Variants in HERC1 observed in about 807,000 individuals in gnomAD.
HERC1 encodes the protein HECT and RLD domain containing E3 ubiquitin protein ligase family member 1.
HERC1 carries 160 observed loss-of-function variants against 554.3 expected under a neutral mutation model. The ratio of observed to expected loss-of-function variants is 0.29; its 90% CI spans 0.25 to 0.33. HERC1 has a LOEUF of 0.33. Among genes scored for constraint, HERC1 ranks in the 10% least tolerant of loss-of-function variants. The pLI is 1.00. For synonymous variants in HERC1, 2,175 were observed against 2,131.7 expected (o/e 1.02, Z -0.56); for missense variants, 4,919 against 5,918.5 (o/e 0.83, Z 5.54).
Position 63,749,737 on chromosome 15 carries a change from C to T in HERC1, c.1957G>A (p.Ala653Thr), listed in dbSNP as rs2141793236. 6.3e-7 allele frequency: 1 copy of T among 1,582,104 alleles called. No individual in the cohort carries two copies. Among genetic ancestry groups the T allele is most frequent in the Non-Finnish European group, 8.6e-7 (1 of 1,163,284 alleles). Reference sequence around the variant, plus strand: ...TCTTCAATAAGCTTGGGTCTCAAAGCAGTAGCTTCTGAAGAACCACAACCT... The same window carrying T: ...TCTTCAATAAGCTTGGGTCTCAAAGTAGTAGCTTCTGAAGAACCACAACCT... ...CLGCGSSEAT[A>T]LRPKLIEELA... is the part of the protein sequence containing the mutation. The change falls in exon 9 of 78, where the codon GCT becomes ACT. Residue 653 changes from alanine to threonine, a missense_variant. By Grantham distance (58) the Ala-to-Thr change is moderately conservative. This residue lies in a region of HERC1 where 744 missense variants were observed against 1,090.0 expected (regional missense o/e 0.68). Transcript: ENST00000443617. This position sits in a 1 kb window ranked among gnomAD's most constrained non-coding sequence, Gnocchi z 4.1.
intron 1 of HERC1, among the ~76,000 whole-genome samples, chr15:63,830,161 C>T (rs909736368): frequency 6.6e-6 from 1 of 152,072 alleles, no homozygotes; most frequent in Non-Finnish European, 1.5e-5. Context: ...GTGTCTCCCC[C>T]AAGATATGTA....
chr15:63,749,600 C>A lies in HERC1; in HGVS notation c.2047+47G>T, dbSNP rs1421222385. 1 of 1,580,072 alleles carries A rather than the reference C, an allele frequency of 6.3e-7. No homozygotes were observed. The highest frequency in any genetic ancestry group is 1.4e-5 in the African/African-American group (1 of 72,748). On this transcript the variant is annotated intron_variant, in intron 9 of 77. Transcript: ENST00000443617. The surrounding 1 kb of genome is among the most constrained non-coding windows in gnomAD (Gnocchi z 4.1). The stretch of plus-strand genomic sequence containing the variant: ...GCCAAATTCAAATGTAATATATTTA[C>A]ACAAGACAACAGTTAATACTATTTC...
intron 74 of HERC1, among the ~76,000 whole-genome samples, chr15:63,617,794 G>C (rs974576868): frequency 2.6e-5 from 4 of 152,170 alleles, no homozygotes; most frequent in African/African-American, 9.7e-5. Context: ...TCTTTTGGCT[G>C]CATAAATGTC....
At chr15:63,772,474 CAT>C (rs2142942391) in intron 2 of HERC1, among the ~76,000 whole-genome samples, 1 of 151,310 alleles carries the variant, frequency 6.6e-6, no homozygotes, top group African/African-American at 2.4e-5. Context: ...GAAATATTAA[CAT>C]GTGACCATAA....
chr15:63,792,206 T>C (rs2076673892), intron 1 of HERC1, among the ~76,000 whole-genome samples: 1 of 152,160 alleles, frequency 6.6e-6, no homozygotes, highest in Non-Finnish European at 1.5e-5. Flanking sequence ...AAAGTTCTAA[T>C]ACCCAAGAAA....
Position 63,666,039 on chromosome 15 carries a change from G to A in HERC1, c.8435C>T (p.Ser2812Phe). The change falls in exon 42 of 78, where the codon TCT (serine) becomes TTT (phenylalanine). Residue 2812 changes from serine to phenylalanine, a missense_variant. Around this residue, in one of 11 missense-constraint regions of HERC1, gnomAD observed 1,963 missense variants for 2,228.6 expected, o/e 0.88. Transcript: ENST00000443617. ...EEPQSGSTAD[S>F]RPGAAVLGSG... ...GCCTAGAACGGCTGCTCCAGGCCTAGAGTCTGCTGTGCTGCCCGACTGGGG... is the reference window on the plus strand; with the variant it reads ...GCCTAGAACGGCTGCTCCAGGCCTAAAGTCTGCTGTGCTGCCCGACTGGGG... 3.7e-6 allele frequency: 6 copies of A among 1,614,006 alleles called. No homozygotes were observed. Among genetic ancestry groups the A allele is most frequent in the East Asian group, 2.2e-5 (1 of 44,870 alleles).
At chr15:63,643,143 C>T in intron 58 of HERC1, 85 bp from the exon 59 acceptor site, 4 of 1,030,992 alleles carry the variant, frequency 3.9e-6, no homozygotes, top group Non-Finnish European at 5.9e-6. Flanking sequence ...TTGACAAAAA[C>T]ATATTCTAAA....
chr15:63,822,462 T>G (rs1387461385), intron 1 of HERC1, among the ~76,000 whole-genome samples: 1 of 151,944 alleles, frequency 6.6e-6, no homozygotes, highest in East Asian at 1.9e-4. Context: ...GGCGTGTGCC[T>G]GTAATCCCAG....
intron 2 of HERC1, 118 bp from the exon 3 acceptor site, chr15:63,764,309 C>G (rs2075705115): frequency 3.0e-6 from 2 of 657,578 alleles, no homozygotes; most frequent in African/African-American, 3.6e-5. Flanking sequence ...TAATTATGTG[C>G]ACTGAAACCA....
At chr15:63,807,609 C>T (rs2145121313) in intron 1 of HERC1, among the ~76,000 whole-genome samples, 1 of 152,312 alleles carries the variant, frequency 6.6e-6, no homozygotes, top group Non-Finnish European at 1.5e-5. Flanking sequence ...TCAGGACCCT[C>T]ACTGATGTAG....
chr15:63,610,962 G>A (rs986619463), intron 77 of HERC1, among the ~76,000 whole-genome samples: 3 of 152,190 alleles, frequency 2.0e-5, no homozygotes, highest in African/African-American at 7.2e-5. Context: ...TGGAGAGAAG[G>A]AGTCTGGCTA....
At chr15:63,802,795 T>C (rs956672095) in intron 1 of HERC1, among the ~76,000 whole-genome samples, 68 of 152,244 alleles carry the variant, frequency 4.5e-4, no homozygotes, top group African/African-American at 1.4e-3. Flanking sequence ...TAAGTGAGTT[T>C]ATCAAATTCT....
intron 1 of HERC1, among the ~76,000 whole-genome samples, chr15:63,776,663 C>T (rs771692375): frequency 2.2e-4 from 34 of 152,088 alleles, no homozygotes; most frequent in South Asian, 2.1e-4. Context: ...ACACAGGTTG[C>T]GCATTTGTTA....
chr15:63,804,156 C>T lies in HERC1; in HGVS notation c.-26-28507G>A, dbSNP rs116277574. Among the ~76,000 whole-genome samples the T allele has an allele frequency of 4.7e-3, 719 of 152,252 alleles. 10 individuals are homozygous for T. The highest frequency in any genetic ancestry group is 0.017 in the African/African-American group (687 of 41,542). On this transcript the variant is annotated intron_variant, in intron 1 of 77. Transcript: ENST00000443617. ...ACTCAAAATGATTCACAGACCGAAA[C>T]GTAAGAGCTAAAACTAAAAAGTCTC...
chr15:63,687,279 C>T (rs1403772184), intron 33 of HERC1, among the ~76,000 whole-genome samples: 11 of 152,116 alleles, frequency 7.2e-5, no homozygotes, highest in Non-Finnish European at 1.6e-4. Context: ...GTGGCTCACA[C>T]TTGTAATCCC....
chr15:63,735,666 T>C (rs1449895914), intron 12 of HERC1, among the ~76,000 whole-genome samples: 1 of 152,162 alleles, frequency 6.6e-6, no homozygotes, highest in African/African-American at 2.4e-5. Flanking sequence ...GGTCATGGCT[T>C]CTTTATCAGT....
At chr15:63,645,334 T>C (rs1334385940) in intron 56 of HERC1, 149 bp downstream of exon 56, 1 of 679,754 alleles carries the variant, frequency 1.5e-6, no homozygotes, top group Non-Finnish European at 2.5e-6. Context: ...ACTCTTTCTT[T>C]TCTCTGAGGT....
intron 1 of HERC1, among the ~76,000 whole-genome samples, chr15:63,829,545 G>GTA (rs1383414807): frequency 6.0e-5 from 4 of 66,654 alleles, no homozygotes; most frequent in Admixed American, 1.7e-4. Context: ...ATATATGTAT[G>GTA]TGTGTGTGTG....
In HERC1 at chr15:63,637,605, G is replaced by C; in HGVS notation, c.12132C>G (p.Ala4044=). Reference sequence around the variant, plus strand: ...CCCCACAAGCCAACACTGTGCCATTGGCCTGGATGACAAAGGTACAATTCT... The same window carrying C: ...CCCCACAAGCCAACACTGTGCCATTCGCCTGGATGACAAAGGTACAATTCT... ...CGQNCTFVIQ[A]NGTVLACGEG... The change falls in exon 64 of 78, where the codon GCC becomes GCG. Residue 4044 remains alanine (A), a synonymous_variant. Coordinates refer to ENST00000443617, the MANE Select transcript of HERC1 (RefSeq NM_003922.4). The C allele has an allele frequency of 6.4e-7, 1 of 1,553,170 alleles. No homozygotes were observed. Among genetic ancestry groups the C allele is most frequent in the Non-Finnish European group, 8.7e-7 (1 of 1,147,420 alleles).
Sources: gnomAD v4.1 joint callset for allele counts (sites outside exome capture counted in the v4.1 genomes callset) on GRCh38, gnomAD v4.1.1 for gene constraint, gnomAD v4.1.1 regional missense constraint, Gnocchi (gnomAD v3.1) non-coding constraint, MANE v1.5 for transcripts, NCBI Gene and HGNC (gene_info 2026-07-23, HGNC 2026-07-21) for gene names.